Variants in VWA3B observed in about 807,000 individuals in gnomAD.
The protein encoded by VWA3B is von Willebrand factor A domain-containing protein 3B.
VWA3B carries 138 observed loss-of-function variants against 158.3 expected under a neutral mutation model. That is an observed-to-expected ratio of 0.87 (90% confidence interval 0.76 to 1.00). VWA3B has a LOEUF of 1.00. Among genes scored for constraint, VWA3B ranks in the 50% least tolerant of loss-of-function variants. The pLI is 0.00. For missense variants in VWA3B, 1,555 were observed against 1,565.1 expected, an observed-to-expected ratio of 0.99 and a Z score of 0.11; for synonymous variants, 596 against 587.3, an observed-to-expected ratio of 1.01 and a Z score of -0.21.
chr2:98,259,676 C>G (rs779624761), intron 21 of VWA3B, among the ~76,000 whole-genome samples: 6 of 151,676 alleles, frequency 4.0e-5, no homozygotes, highest in African/African-American at 7.3e-5. Context: ...TTGATATTCT[C>G]AAGGAACAAA....
At chr2:98,131,485 G>A (rs1435250824) in intron 6 of VWA3B, among the ~76,000 whole-genome samples, 3 of 152,168 alleles carry the variant, frequency 2.0e-5, no homozygotes, top group Non-Finnish European at 4.4e-5. Flanking sequence ...TTGTTGGATT[G>A]TATGGTAGTT....
At chr2:98,210,932 C>T (rs1264541247) in intron 12 of VWA3B, among the ~76,000 whole-genome samples, 1 of 152,198 alleles carries the variant, frequency 6.6e-6, no homozygotes, top group Admixed American at 6.5e-5. Flanking sequence ...GTGGCAGATG[C>T]ACACCGATGC....
intron 26 of VWA3B, among the ~76,000 whole-genome samples, chr2:98,308,476 T>C (rs1574327497): frequency 1.3e-5 from 2 of 152,334 alleles, no homozygotes; most frequent in East Asian, 1.9e-4. Flanking sequence ...GTTTCTCCCA[T>C]GTGGTCCTTC....
At chr2:98,220,635 A>C (rs1246704797) in intron 14 of VWA3B, among the ~76,000 whole-genome samples, 1 of 152,234 alleles carries the variant, frequency 6.6e-6, no homozygotes, top group African/African-American at 2.4e-5. Context: ...TCATTCTACT[A>C]TAAAGACACA....
At chr2:98,103,574 G>A (rs1683231549) in intron 2 of VWA3B, among the ~76,000 whole-genome samples, 1 of 151,702 alleles carries the variant, frequency 6.6e-6, no homozygotes, top group African/African-American at 2.4e-5. Context: ...AGTTATTTTA[G>A]GACTTTTAAA....
chr2:98,119,811 T>G (rs1674818563), intron 4 of VWA3B, 48 bp downstream of exon 4: 1 of 1,599,888 alleles, frequency 6.3e-7, no homozygotes, highest in South Asian at 1.1e-5. Flanking sequence ...TCATAGTAAT[T>G]TGTACATATT....
intron 4 of VWA3B, among the ~76,000 whole-genome samples, chr2:98,120,386 G>A (rs1272747769): frequency 1.3e-5 from 2 of 152,212 alleles, no homozygotes; most frequent in East Asian, 1.9e-4. Context: ...CAGTTTTTCT[G>A]TTTTTAATCA....
chr2:98,265,790 G>A (rs1172984119), intron 21 of VWA3B, among the ~76,000 whole-genome samples: 4 of 147,348 alleles, frequency 2.7e-5, no homozygotes, highest in African/African-American at 5.1e-5. Flanking sequence ...TTCTCTGATG[G>A]CCAGTGATGA....
intron 23 of VWA3B, 108 bp from the exon 24 acceptor site, chr2:98,297,799 T>C: frequency 7.5e-7 from 1 of 1,325,888 alleles, no homozygotes; most frequent in Non-Finnish European, 9.7e-7. Flanking sequence ...GCACACTGAT[T>C]TAAACAGGCA....
chr2:98,198,976 A>G (rs1574058041), intron 12 of VWA3B, among the ~76,000 whole-genome samples: 1 of 151,772 alleles, frequency 6.6e-6, no homozygotes, highest in African/African-American at 2.4e-5. Context: ...AGTACCAGCT[A>G]CTCGGGAGGC....
At chr2:98,138,252 C>T (rs1173961781) in intron 7 of VWA3B, among the ~76,000 whole-genome samples, 2 of 152,188 alleles carry the variant, frequency 1.3e-5, no homozygotes, top group East Asian at 3.8e-4. Context: ...TCTGGGAAGC[C>T]TTCCGTGGCC....
intron 9 of VWA3B, among the ~76,000 whole-genome samples, chr2:98,183,070 A>T (rs1369883808): frequency 6.6e-6 from 1 of 152,108 alleles, no homozygotes; most frequent in Admixed American, 6.5e-5. Context: ...TTTAAATGAA[A>T]TTTTACAGGA....
chr2:98,136,474 G>A (rs1181672661), intron 7 of VWA3B, among the ~76,000 whole-genome samples: 4 of 152,062 alleles, frequency 2.6e-5, no homozygotes, highest in Non-Finnish European at 5.9e-5. Flanking sequence ...CTGGGGAATC[G>A]AAGATCAAGG....
rs373456440 is a variant in VWA3B, at chr2:98,264,229, CTA to C, written c.2844-6451_2844-6450del. On this transcript the variant is annotated intron_variant, in intron 21 of 27. Transcript: ENST00000477737. ...TTTTTTTCTATTGTTTTTCTATACT[CTA>C]TTTCTAATCTTTATTATTTTCTTCC... Among the ~76,000 whole-genome samples, 48 of 150,856 alleles carry C rather than the reference CTA, an allele frequency of 3.2e-4. No homozygotes were observed. The East Asian group carries it at 5.0e-3, about 16-fold the overall frequency.
Position 98,208,579 on chromosome 2 carries a change from TC to T in VWA3B, c.1738-3350del, listed in dbSNP as rs201611535. Reference sequence around the variant, plus strand: ...TTTCCTTATACATATATGTAACTTATCACAGCCTATTGTGATGTAACTTATC... The same window carrying T: ...TTTCCTTATACATATATGTAACTTATACAGCCTATTGTGATGTAACTTATC... On this transcript the variant is annotated intron_variant, in intron 12 of 27. Coordinates refer to ENST00000477737, the MANE Select transcript of VWA3B (RefSeq NM_144992.5). Among the ~76,000 whole-genome samples, 1,436 of 152,334 alleles carry T rather than the reference TC, an allele frequency of 9.4e-3. 10 individuals are homozygous for T. The highest frequency in any genetic ancestry group is 0.016 in the Non-Finnish European group (1,079 of 68,012).
At chr2:98,106,863 GCT>G (rs150071941) in intron 2 of VWA3B, among the ~76,000 whole-genome samples, 7,439 of 152,058 alleles carry the variant, frequency 0.049, 336 homozygotes, top group South Asian at 0.24. Context: ...TCCTTTTCTT[GCT>G]CTGTTACGCT....
At chr2:98,139,822 C>G (rs866407415) in intron 7 of VWA3B, among the ~76,000 whole-genome samples, 1 of 152,142 alleles carries the variant, frequency 6.6e-6, no homozygotes, top group Non-Finnish European at 1.5e-5. Flanking sequence ...GCAGGCTGCC[C>G]GAGCCAGCAG....
At chr2:98,268,026 T>G (rs1479877700) in intron 21 of VWA3B, among the ~76,000 whole-genome samples, 1 of 151,654 alleles carries the variant, frequency 6.6e-6, no homozygotes, top group Admixed American at 6.6e-5. Context: ...AATAACAGGA[T>G]CTGAAATTGT....
At chr2:98,218,509 A>G (rs992669761) in intron 14 of VWA3B, among the ~76,000 whole-genome samples, 13 of 152,252 alleles carry the variant, frequency 8.5e-5, no homozygotes, top group African/African-American at 2.9e-4. Context: ...ATATTTGTAG[A>G]AAATGAAACA....
Sources: gnomAD v4.1 joint callset for allele counts (sites outside exome capture counted in the v4.1 genomes callset) on GRCh38, gnomAD v4.1.1 for gene constraint, MANE v1.5 for transcripts, NCBI Gene and HGNC (gene_info 2026-07-23, HGNC 2026-07-21) for gene names.